The following NRXN3 variants were observed in gnomAD, a reference collection of about 807,000 sequenced individuals.
NRXN3 encodes the protein neurexin III.
NRXN3 carries 32 observed loss-of-function variants against 137.6 expected under a neutral mutation model. The ratio of observed to expected loss-of-function variants is 0.23; its 90% CI spans 0.18 to 0.31. The LOEUF (loss-of-function observed/expected upper bound fraction) is 0.31, where lower values mean the gene tolerates loss of function less well. NRXN3 is among the 10% of genes least tolerant of loss of function. NRXN3 has a pLI of 1.00. For synonymous variants in NRXN3, 798 were observed against 784.5 expected (o/e 1.02, Z -0.29); for missense variants, 1,574 against 2,062.5 (o/e 0.76, Z 4.59).
At chr14:79,030,217 A>G (rs1182079802) in intron 15 of NRXN3, among the ~76,000 whole-genome samples, 2 of 151,772 alleles carry the variant, frequency 1.3e-5, no homozygotes, top group African/African-American at 4.8e-5. Context: ...TAGCCTCTAC[A>G]TAGTAGATGC....
intron 16 of NRXN3, among the ~76,000 whole-genome samples, chr14:79,510,506 A>G (rs2153689035): frequency 6.6e-6 from 1 of 152,184 alleles, no homozygotes; most frequent in Non-Finnish European, 1.5e-5. Context: ...ATGACAGGAC[A>G]TGTGTGTTCT....
chr14:79,643,732 C>T lies in NRXN3; in HGVS notation c.3445-20046C>T, dbSNP rs1357892986. Among the ~76,000 whole-genome samples the T allele has an allele frequency of 3.7e-5, 5 of 134,864 alleles. 1 individual carries two copies. The highest frequency in any genetic ancestry group is 9.8e-5 in the African/African-American group (4 of 40,620). The allele number at this position is 134,864 out of a possible 152,430, so 88.5% of individuals were successfully genotyped here. On this transcript the variant is annotated intron_variant, in intron 16 of 20. Coordinates refer to ENST00000335750, the MANE Select transcript of NRXN3 (RefSeq NM_001330195.2). ...GTCCCACTGCTTAGAATGTTATTTC[C>T]TCAACCTTATTTCTGTTTCCTACAT...
At chr14:79,066,858 C>A (rs187777475) in intron 15 of NRXN3, among the ~76,000 whole-genome samples, 46 of 152,156 alleles carry the variant, frequency 3.0e-4, no homozygotes, top group Admixed American at 7.9e-4. Flanking sequence ...GCTTACGAAG[C>A]CTTTGAGCTG....
chr14:78,972,095 A>G (rs917427397), intron 14 of NRXN3, among the ~76,000 whole-genome samples: 5 of 152,140 alleles, frequency 3.3e-5, no homozygotes, highest in African/African-American at 1.2e-4. Flanking sequence ...ATACCTCTCA[A>G]TTTAAGCTAG....
chr14:78,958,955 C>A (rs939950333), intron 11 of NRXN3, among the ~76,000 whole-genome samples: 1 of 152,228 alleles, frequency 6.6e-6, no homozygotes, highest in African/African-American at 2.4e-5. Flanking sequence ...ATATTTTATG[C>A]CTTTGAGATA....
At chr14:78,804,793 A>C (rs1245637963) in intron 9 of NRXN3, among the ~76,000 whole-genome samples, 2 of 152,090 alleles carry the variant, frequency 1.3e-5, no homozygotes, top group Non-Finnish European at 2.9e-5. Context: ...CAAACACTCC[A>C]TTTCTGCTGT....
In NRXN3 at chr14:78,820,705, G is replaced by C. The variant is rs549178994; in HGVS notation, c.2275+10361G>C. Among the ~76,000 whole-genome samples the C allele has an allele frequency of 9.9e-5, 15 of 152,128 alleles. 1 individual carries two copies. Among genetic ancestry groups the C allele is most frequent in the Admixed American group, 9.8e-4 (15 of 15,266 alleles). On this transcript the variant is annotated intron_variant, in intron 10 of 20. Transcript: ENST00000335750. ...ACCCTGTGGAAAAATGAAAACAAGA[G>C]AGGCTATCAAGGGGTGCAAGTAAGA... is the stretch of plus-strand genomic sequence containing the variant.
chr14:78,222,600 CT>C (rs961231272), intron 1 of NRXN3, among the ~76,000 whole-genome samples: 4 of 150,090 alleles, frequency 2.7e-5, no homozygotes, highest in Non-Finnish European at 4.5e-5. Flanking sequence ...GTGTTGGGAA[CT>C]TTTTTTTTTC....
chr14:78,305,193 A>G (rs910476880), intron 4 of NRXN3, among the ~76,000 whole-genome samples: 3 of 152,058 alleles, frequency 2.0e-5, no homozygotes, highest in Non-Finnish European at 4.4e-5. Flanking sequence ...GCTTTTGTAG[A>G]GTGGTGTGGG....
chr14:79,589,443 A>AT (rs200709674), intron 16 of NRXN3, among the ~76,000 whole-genome samples: 18,984 of 147,256 alleles, frequency 0.13, 1,347 homozygotes, highest in South Asian at 0.23. Context: ...GGCTTATTCC[A>AT]TTTTTTTTTC....
At chr14:78,760,188 G>T (rs1026735415) in intron 8 of NRXN3, among the ~76,000 whole-genome samples, 1 of 151,112 alleles carries the variant, frequency 6.6e-6, no homozygotes, top group East Asian at 2.0e-4. Flanking sequence ...GGGACTAGGC[G>T]CCCACCACCA....
At chr14:78,575,101 C>G (rs938198759) in intron 4 of NRXN3, among the ~76,000 whole-genome samples, 1 of 152,212 alleles carries the variant, frequency 6.6e-6, no homozygotes, top group African/African-American at 2.4e-5. Flanking sequence ...GGCACTCATT[C>G]TGTCCCCTGC....
At chr14:78,488,036 T>C (rs1452230219) in intron 4 of NRXN3, among the ~76,000 whole-genome samples, 1 of 152,128 alleles carries the variant, frequency 6.6e-6, no homozygotes, top group Non-Finnish European at 1.5e-5. Flanking sequence ...AAGACCAAGG[T>C]GCCAGCAGGT....
intron 4 of NRXN3, among the ~76,000 whole-genome samples, chr14:78,610,702 T>C (rs1358757075): frequency 2.0e-5 from 3 of 152,298 alleles, no homozygotes; most frequent in Admixed American, 2.0e-4. Context: ...ATGTTGGAGA[T>C]TGAGAGATCC....
At chr14:78,928,243 G>A (rs1052107323) in intron 10 of NRXN3, among the ~76,000 whole-genome samples, 1 of 152,074 alleles carries the variant, frequency 6.6e-6, no homozygotes, top group African/African-American at 2.4e-5. Flanking sequence ...CCAGGCAAAG[G>A]TAGTTACAGA....
chr14:78,961,771 T>C (rs2099408639), intron 11 of NRXN3, among the ~76,000 whole-genome samples: 1 of 152,200 alleles, frequency 6.6e-6, no homozygotes, highest in African/African-American at 2.4e-5. Context: ...TCCATGCTCA[T>C]CCACTATATG....
At chr14:79,781,407 G>T (rs1393864433) in intron 19 of NRXN3, among the ~76,000 whole-genome samples, 3 of 152,196 alleles carry the variant, frequency 2.0e-5, no homozygotes, top group Non-Finnish European at 4.4e-5. Flanking sequence ...AAGAAGTCAA[G>T]AAAGAAACAT....
intron 15 of NRXN3, among the ~76,000 whole-genome samples, chr14:79,075,288 G>T (rs1206731356): frequency 6.6e-6 from 1 of 152,150 alleles, no homozygotes; most frequent in Admixed American, 6.5e-5. Context: ...AGGAGATGGA[G>T]CTGAGGACTC....
intron 4 of NRXN3, among the ~76,000 whole-genome samples, chr14:78,517,438 GCA>G: frequency 6.6e-6 from 1 of 152,232 alleles, no homozygotes; most frequent in East Asian, 1.9e-4. Context: ...TGTGGTTACA[GCA>G]CAGTTACAGA....
Sources: allele counts gnomAD v4.1 joint callset (sites outside exome capture counted in the v4.1 genomes callset), GRCh38; gene constraint gnomAD v4.1.1; transcripts MANE v1.5; gene names NCBI Gene and HGNC (gene_info 2026-07-23, HGNC 2026-07-21).